The following CDC42BPA variants were observed in gnomAD, a reference collection of about 807,000 sequenced individuals.
CDC42BPA encodes serine/threonine-protein kinase MRCK alpha.
CDC42BPA carries 80 observed loss-of-function variants against 223.5 expected under a neutral mutation model. The ratio of observed to expected loss-of-function variants is 0.36; its 90% CI spans 0.30 to 0.43. The LOEUF is 0.43. Ranked by LOEUF, CDC42BPA falls within the 20% of genes least tolerant of loss-of-function variation. The pLI is 1.00. For missense variants in CDC42BPA, 1,743 were observed against 2,099.9 expected (o/e 0.83, Z 3.32); for synonymous variants, 694 against 718.6 (o/e 0.97, Z 0.55).
chr1:227,013,421 GA>G (rs1215591030), intron 34 of CDC42BPA, among the ~76,000 whole-genome samples: 2 of 151,654 alleles, frequency 1.3e-5, no homozygotes, highest in African/African-American at 4.8e-5. Flanking sequence ...GTGGTGGAAG[GA>G]AGAGGGAAGA....
At chr1:227,005,644 A>G (rs747726138) in intron 34 of CDC42BPA, among the ~76,000 whole-genome samples, 73 of 152,360 alleles carry the variant, frequency 4.8e-4, no homozygotes, top group Middle Eastern at 3.4e-3. Context: ...GGGATTAGAA[A>G]TAAGACGCTG....
At chr1:227,148,827 A>G (rs1238936340) in intron 6 of CDC42BPA, among the ~76,000 whole-genome samples, 1 of 147,898 alleles carries the variant, frequency 6.8e-6, no homozygotes, top group Non-Finnish European at 1.5e-5. Context: ...AATTATTTGT[A>G]TAAACATATA....
At chr1:227,294,233 C>T (rs1471224548) in intron 1 of CDC42BPA, among the ~76,000 whole-genome samples, 4 of 150,704 alleles carry the variant, frequency 2.7e-5, no homozygotes, top group South Asian at 2.1e-4. Context: ...GATCGCGCCA[C>T]TGCACTCCAG....
chr1:227,141,630 A>C (rs1051323840), intron 9 of CDC42BPA, among the ~76,000 whole-genome samples: 4 of 152,170 alleles, frequency 2.6e-5, no homozygotes, highest in African/African-American at 9.7e-5. Context: ...AGTGAGGATG[A>C]CAGAGGTTTC....
chr1:227,014,375 C>T (rs1313051379), intron 34 of CDC42BPA, among the ~76,000 whole-genome samples: 2 of 151,854 alleles, frequency 1.3e-5, no homozygotes, highest in Non-Finnish European at 2.9e-5. Context: ...GGTTTGAACT[C>T]CACAAAGAAA....
intron 32 of CDC42BPA, among the ~76,000 whole-genome samples, chr1:227,018,576 A>T (rs1666756402): frequency 6.6e-6 from 1 of 152,232 alleles, no homozygotes; most frequent in Non-Finnish European, 1.5e-5. Flanking sequence ...AGTGGGTATG[A>T]ACACATTTAT....
chr1:227,289,904 A>AG lies in CDC42BPA; in HGVS notation c.178+27100dup, dbSNP rs57052836. Among the ~76,000 whole-genome samples, 63 of 150,310 alleles carry AG rather than the reference A, an allele frequency of 4.2e-4. No individual in the cohort carries two copies. The East Asian group carries it at 0.011, about 27-fold the overall frequency. On this transcript the variant is annotated intron_variant, in intron 1 of 36. Transcript: ENST00000366766. ...CTGTCTCTACAAAAAAAAAAAAAAA[A>AG]GCTAGGCATGGTGGTGTGCACCTAT...
Position 227,040,203 on chromosome 1 carries a change from T to C in CDC42BPA, c.3127A>G (p.Thr1043Ala), listed in dbSNP as rs1189393005. Reference protein sequence around the residue: ...KTHQFFVKSFTTPTKCHQCTS... With the variant: ...KTHQFFVKSFATPTKCHQCTS... ...CACTGATGACACTTGGTAGGAGTAG[T>C]AAAAGATTTTACAAAAAACTGGTGA... Residue 1043 changes from threonine to alanine, a missense_variant, in exon 24 of 37, where the codon ACT (threonine) becomes GCT (alanine). This residue lies in a region of CDC42BPA where 678 missense variants were observed against 777.5 expected (regional missense o/e 0.87). Transcript: ENST00000366766. 6.2e-7 allele frequency: 1 copy of C among 1,612,940 alleles called. No homozygotes were observed. Among genetic ancestry groups the C allele is most frequent in the Non-Finnish European group, 8.5e-7 (1 of 1,179,080 alleles).
intron 5 of CDC42BPA, among the ~76,000 whole-genome samples, chr1:227,169,862 C>G (rs1393140056): frequency 6.6e-6 from 1 of 152,188 alleles, no homozygotes; most frequent in Non-Finnish European, 1.5e-5. Flanking sequence ...CCAGAAGGAC[C>G]TCATTCAGTC....
Position 227,005,107 on chromosome 1 carries a change from G to C in CDC42BPA, c.4862C>G (p.Pro1621Arg), listed in dbSNP as rs778999374. 6.2e-7 allele frequency: 1 copy of C among 1,609,690 alleles called. No individual in the cohort carries two copies. Among genetic ancestry groups the C allele is most frequent in the Non-Finnish European group, 8.5e-7 (1 of 1,176,034 alleles). Residue 1621 changes from proline to arginine, a missense_variant, in exon 35 of 37, where the codon CCT (proline) becomes CGT (arginine). By Grantham distance (103) the Pro-to-Arg change is moderately radical (BLOSUM62 -2). Transcript: ENST00000366766. ...TACTGTCCGACTTTCCTGAGGCCGAGGGTTCTATAAACAAAAGCGAGAGAG... is the reference window on the plus strand; with the variant it reads ...TACTGTCCGACTTTCCTGAGGCCGACGGTTCTATAAACAAAAGCGAGAGAG... ...IQILKDLPMN[P>R]RPQESRTVFS... is the part of the protein sequence containing the mutation.
chr1:227,118,113 T>C (rs2149428439), intron 12 of CDC42BPA, among the ~76,000 whole-genome samples: 1 of 152,198 alleles, frequency 6.6e-6, no homozygotes, highest in South Asian at 2.1e-4. Flanking sequence ...TGGCCAAAAG[T>C]AATAAATCTG....
At chr1:227,202,759 G>A (rs529653536) in intron 3 of CDC42BPA, among the ~76,000 whole-genome samples, 46 of 59,470 alleles carry the variant, frequency 7.7e-4, no homozygotes, top group Non-Finnish European at 1.4e-3. Context: ...GTCTCTACAG[G>A]CAAAAAAAAA....
At chr1:227,138,914 G>T (rs1659166026) in intron 10 of CDC42BPA, among the ~76,000 whole-genome samples, 1 of 152,150 alleles carries the variant, frequency 6.6e-6, no homozygotes, top group African/African-American at 2.4e-5. Flanking sequence ...GAGTTAAACG[G>T]TGATAGACTT....
chr1:227,133,809 C>A (rs1206000474), intron 10 of CDC42BPA, among the ~76,000 whole-genome samples: 1 of 151,964 alleles, frequency 6.6e-6, no homozygotes, highest in Non-Finnish European at 1.5e-5. Flanking sequence ...CTTAAGTACC[C>A]AGGGACACAA....
chr1:227,251,822 T>C (rs997462644), intron 2 of CDC42BPA, among the ~76,000 whole-genome samples: 1 of 152,154 alleles, frequency 6.6e-6, no homozygotes, highest in Non-Finnish European at 1.5e-5. Flanking sequence ...GCAGAGCAAA[T>C]TTCAAAGGAT....
intron 5 of CDC42BPA, among the ~76,000 whole-genome samples, chr1:227,182,241 T>C (rs528795763): frequency 2.6e-5 from 4 of 152,324 alleles, no homozygotes; most frequent in South Asian, 4.1e-4. Flanking sequence ...ATGATTTGCA[T>C]AGCATCTACA....
intron 10 of CDC42BPA, among the ~76,000 whole-genome samples, chr1:227,135,825 G>C (rs1658388629): frequency 8.5e-6 from 1 of 117,194 alleles, no homozygotes; most frequent in African/African-American, 3.3e-5. Context: ...CTGCACTCCA[G>C]CCTGGGCGAC....
chr1:227,029,469 A>G, intron 29 of CDC42BPA, among the ~76,000 whole-genome samples: 1 of 152,226 alleles, frequency 6.6e-6, no homozygotes, highest in East Asian at 1.9e-4. Context: ...CAGCCAAGGC[A>G]AACCCCAAAG....
chr1:227,179,397 G>A (rs1385998177), intron 5 of CDC42BPA, among the ~76,000 whole-genome samples: 1 of 152,072 alleles, frequency 6.6e-6, no homozygotes, highest in Non-Finnish European at 1.5e-5. Context: ...AGCACTTTGG[G>A]AGGCCGAGGC....
Sources: allele counts gnomAD v4.1 joint callset (sites outside exome capture counted in the v4.1 genomes callset), GRCh38; gene constraint gnomAD v4.1.1; regional missense constraint gnomAD v4.1.1; transcripts MANE v1.5; gene names NCBI Gene and HGNC (gene_info 2026-07-23, HGNC 2026-07-21).